The following COPG1 variants were observed in gnomAD, a reference collection of about 807,000 sequenced individuals.
The protein encoded by COPG1 is coat protein complex I subunit gamma 1.
In COPG1, 29 loss-of-function variants were observed where a neutral mutation model predicts 102.8. The ratio of observed to expected loss-of-function variants is 0.28; its 90% CI spans 0.21 to 0.38. COPG1 has a LOEUF of 0.38. Among genes scored for constraint, COPG1 ranks in the 10% least tolerant of loss-of-function variants. COPG1 has a pLI of 1.00. For synonymous variants in COPG1, 406 were observed against 421.6 expected (o/e 0.96, Z 0.45); for missense variants, 875 against 1,132.7 (o/e 0.77, Z 3.27).
In COPG1 at chr3:129,272,378, C is replaced by T. The variant is rs2107679337; in HGVS notation, c.2121C>T (p.Tyr707=). 1.2e-6 allele frequency: 2 copies of T among 1,614,120 alleles called. No homozygotes were observed. Among genetic ancestry groups the T allele is most frequent in the East Asian group, 4.5e-5 (2 of 44,882 alleles). The change falls in exon 20 of 24, where the codon TAC becomes TAT. Residue 707 remains tyrosine, a synonymous_variant. Transcript: ENST00000314797. ...SLPYNQPGTC[Y]TLVALPKEDP... ...CCTACAACCAGCCCGGGACCTGCTA[C>T]ACACTGGTGGCACTGCCCAAAGAAG...
At chr3:129,277,227 C>A (rs1328009007) in intron 23 of COPG1, 67 bp from the exon 24 acceptor site, 2 of 1,555,036 alleles carry the variant, frequency 1.3e-6, no homozygotes, top group Non-Finnish European at 1.8e-6. Flanking sequence ...GCTGCAAATG[C>A]CATCCTTAGC....
chr3:129,264,022 G>T, intron 13 of COPG1, 23 bp downstream of exon 13: 1 of 1,593,842 alleles, frequency 6.3e-7, no homozygotes, highest in Non-Finnish European at 8.6e-7. Flanking sequence ...GGCATTCGGG[G>T]GATGCCAGGT....
Position 129,272,341 on chromosome 3 carries a change from C to T in COPG1, c.2084C>T (p.Ala695Val), listed in dbSNP as rs1329456883. The part of the protein sequence containing the change: ...EAYEVLCYVP[A>V]RSLPYNQPGT... Reference sequence around the variant, plus strand: ...TATGAGGTGCTCTGTTACGTGCCTGCCCGGAGCCTGCCCTACAACCAGCCC... The same window carrying T: ...TATGAGGTGCTCTGTTACGTGCCTGTCCGGAGCCTGCCCTACAACCAGCCC... Residue 695 changes from alanine to valine, a missense_variant, in exon 20 of 24, where the codon GCC becomes GTC. Transcript: ENST00000314797. 2 of 1,614,086 alleles carry T rather than the reference C, an allele frequency of 1.2e-6. No individual in the cohort carries two copies.
intron 18 of COPG1, 63 bp downstream of exon 18, chr3:129,269,063 G>C (rs925506327): frequency 1.1e-5 from 16 of 1,397,078 alleles, no homozygotes; most frequent in Admixed American, 1.7e-5. Context: ...GGGTTCAAGA[G>C]TAAGAACTGT....
Position 129,254,669 on chromosome 3 carries a change from C to T in COPG1, c.325C>T (p.Leu109=), listed in dbSNP as rs1024692249. ...CTGACAATGCCTTCTTCCCTGCAGC[C>T]TAACAAAAGACATGACTGGGAAAGA... is the stretch of plus-strand genomic sequence containing the variant. ...AEDVIIVTSS[L]TKDMTGKEDN... The change falls in exon 6 of 24, where the codon CTA becomes TTA. Residue 109 remains leucine (L), a splice_region_variant and synonymous_variant. Coordinates refer to ENST00000314797, the MANE Select transcript of COPG1 (RefSeq NM_016128.4). The T allele has an allele frequency of 1.2e-6, 2 of 1,613,798 alleles. No individual in the cohort carries two copies. Among genetic ancestry groups the T allele is most frequent in the African/African-American group, 1.3e-5 (1 of 75,036 alleles).
intron 8 of COPG1, among the ~76,000 whole-genome samples, chr3:129,256,891 G>T (rs1939821395): frequency 1.3e-5 from 2 of 152,262 alleles, no homozygotes; most frequent in South Asian, 4.1e-4. Context: ...AAACAAAAGA[G>T]AGTATCGAGG....
rs536733255 is a variant in COPG1, at chr3:129,259,611, A to AT, written c.872-714dup. 1.1e-4 allele frequency among the ~76,000 whole-genome samples: 17 copies of AT among 152,096 alleles called. No homozygotes were observed. The South Asian group carries it at 2.9e-3, about 26-fold the overall frequency. On this transcript the variant is annotated intron_variant, in intron 10 of 23. Transcript: ENST00000314797. ...GTCTTCAAAATAAGCATTAAGAAAAATTTTTTTTGAGTATTAGAGAATAAA... is the reference window on the plus strand; with the variant it reads ...GTCTTCAAAATAAGCATTAAGAAAAATTTTTTTTTGAGTATTAGAGAATAAA...
intron 6 of COPG1, 78 bp from the exon 7 acceptor site, chr3:129,254,907 T>C: frequency 2.3e-6 from 3 of 1,288,754 alleles, no homozygotes; most frequent in Non-Finnish European, 3.4e-6. Flanking sequence ...CATACTCATC[T>C]CTGCCCCCAT....
Position 129,268,608 on chromosome 3 carries a change from G to A in COPG1, c.1762G>A (p.Glu588Lys). Residue 588 changes from glutamate (E) to lysine (K), a missense_variant, in exon 17 of 24, where the codon GAG (glutamate) becomes AAG (lysine). Coordinates refer to ENST00000314797, the MANE Select transcript of COPG1 (RefSeq NM_016128.4). Reference protein sequence around the residue: ...SVPLATAPMAEQRTESTPITA... With the variant: ...SVPLATAPMAKQRTESTPITA... ...GCCCCTGGCCACGGCGCCCATGGCA[G>A]AGCAGAGAACAGGTAACACTTATAC... 1 of 1,614,172 alleles carries A rather than the reference G, an allele frequency of 6.2e-7. No homozygotes were observed. The highest frequency in any genetic ancestry group is 8.5e-7 in the Non-Finnish European group (1 of 1,180,026).
Position 129,277,585 on chromosome 3 carries a change from G to T in COPG1, c.*161G>T, listed in dbSNP as rs1420549452. ...TATTCTGCTCCCACCTCCCACCCGG[G>T]ACTACTTGCTGGTGACTTTTTTTTT... On this transcript the variant is annotated 3_prime_UTR_variant, in exon 24 of 24. Transcript: ENST00000314797. 4.9e-6 allele frequency: 3 copies of T among 613,004 alleles called. No homozygotes were observed. The highest frequency in any genetic ancestry group is 5.3e-6 in the Non-Finnish European group (2 of 378,586). The allele number at this position is 613,004 out of a possible 1,614,324, so 38.0% of individuals were successfully genotyped here.
At chr3:129,255,914 T>C (rs1472467442) in intron 7 of COPG1, among the ~76,000 whole-genome samples, 154 bp from the exon 8 acceptor site, 1 of 151,532 alleles carries the variant, frequency 6.6e-6, no homozygotes, top group Non-Finnish European at 1.5e-5. Context: ...GGAGGGACAT[T>C]GAGGGTGGGA....
intron 17 of COPG1, 62 bp from the exon 18 acceptor site, chr3:129,268,870 C>T (rs1940123387): frequency 1.4e-6 from 2 of 1,456,144 alleles, no homozygotes; most frequent in Non-Finnish European, 1.9e-6. Context: ...GCACTGGGGT[C>T]ACCACCACAC....
At chr3:129,267,346 G>A (rs1576967829) in intron 15 of COPG1, 3 of 338,404 alleles carry the variant, frequency 8.9e-6, no homozygotes, top group Admixed American at 9.1e-5. Flanking sequence ...TTGAAGCCGG[G>A]CATAGTGGCT....
Position 129,254,659 on chromosome 3 carries a change from T to G in COPG1, c.324-9T>G. On this transcript the variant is annotated splice_polypyrimidine_tract_variant and intron_variant, in intron 5 of 23. Coordinates refer to ENST00000314797, the MANE Select transcript of COPG1 (RefSeq NM_016128.4). The stretch of plus-strand genomic sequence containing the variant: ...TCTCTGCATGCTGACAATGCCTTCT[T>G]CCCTGCAGCCTAACAAAAGACATGA... 6.2e-7 allele frequency: 1 copy of G among 1,613,294 alleles called. No homozygotes were observed. Among genetic ancestry groups the G allele is most frequent in the Non-Finnish European group, 8.5e-7 (1 of 1,179,288 alleles).
In COPG1 at chr3:129,260,272, C is replaced by T. The variant is rs77079402; in HGVS notation, c.872-61C>T. On this transcript the variant is annotated intron_variant, in intron 10 of 23. Coordinates refer to ENST00000314797, the MANE Select transcript of COPG1 (RefSeq NM_016128.4). ...GGGTTTGAGTCAGAACAGTAGCCCC[C>T]GGTTTTCCCAGCTGCCCAGCAGTGA... 9.8e-4 allele frequency: 1,462 copies of T among 1,489,970 alleles called. 15 individuals carry two copies. In the African/African-American group the frequency reaches 0.016, roughly 17 times the overall value. 92.3% of individuals were successfully genotyped at this position (1,489,970 alleles called of 1,614,324 possible). A position where few individuals can be genotyped will look rare whatever the true frequency, so the allele number is the denominator to read the frequency against.
rs1310280935 is a variant in COPG1 at position 129,265,783 on chromosome 3, G to T, written c.1459G>T (p.Val487Phe). ...CCGAGTGGTCTTGGAGCATGAGGAG[G>T]TCCGGGCAGGTAGGTCTGAGCCAGG... Reference protein sequence around the residue: ...YNRVVLEHEEVRAGAVSALAK... With the variant: ...YNRVVLEHEEFRAGAVSALAK... Residue 487 changes from valine (V) to phenylalanine (F), a missense_variant, in exon 14 of 24, where the codon GTC (valine) becomes TTC (phenylalanine). Transcript: ENST00000314797. 3.1e-6 allele frequency: 5 copies of T among 1,613,986 alleles called. No homozygotes were observed. Among genetic ancestry groups the T allele is most frequent in the South Asian group, 1.1e-5 (1 of 91,070 alleles).
intron 10 of COPG1, among the ~76,000 whole-genome samples, chr3:129,258,936 G>A (rs1939867515): frequency 6.6e-6 from 1 of 152,124 alleles, no homozygotes; most frequent in Non-Finnish European, 1.5e-5. Flanking sequence ...AAAAGGAGAG[G>A]TGCTTAGGGT....
At chr3:129,251,907 C>G (rs1329533851) in intron 2 of COPG1, among the ~76,000 whole-genome samples, 1 of 142,398 alleles carries the variant, frequency 7.0e-6, no homozygotes, top group South Asian at 2.2e-4. Flanking sequence ...AGGCTGGTCT[C>G]GAACTGACCT....
intron 2 of COPG1, chr3:129,250,942 GAGAC>G (rs1939682648): frequency 7.7e-6 from 3 of 390,870 alleles, no homozygotes; most frequent in Admixed American, 5.0e-5. Flanking sequence ...TTTTTTTTCT[GAGAC>G]AGAGTCTTGC....
Sources: allele counts gnomAD v4.1 joint callset (sites outside exome capture counted in the v4.1 genomes callset), GRCh38; gene constraint gnomAD v4.1.1; transcripts MANE v1.5; gene names NCBI Gene and HGNC (gene_info 2026-07-23, HGNC 2026-07-21).